The following HGF variants were observed in gnomAD, a reference collection of about 807,000 sequenced individuals.
HGF encodes the protein hepatocyte growth factor.
Under a neutral mutation model 111.6 loss-of-function variants are expected in HGF, and 39 were observed. The ratio of observed to expected loss-of-function variants is 0.35; its 90% confidence interval spans 0.27 to 0.46. HGF has a LOEUF of 0.46. Ranked by LOEUF, HGF falls within the 20% of genes least tolerant of loss-of-function variation. The pLI is 1.00. For missense variants in HGF, 735 were observed against 910.5 expected (o/e 0.81, Z 2.48); for synonymous variants, 285 against 294.8 (o/e 0.97, Z 0.34).
chr7:81,741,147 G>T (rs550346810), intron 7 of HGF, among the ~76,000 whole-genome samples: 75 of 152,124 alleles, frequency 4.9e-4, no homozygotes, highest in African/African-American at 1.6e-3. Context: ...TCTCTTTATA[G>T]TCATATCTAT....
intron 9 of HGF, among the ~76,000 whole-genome samples, chr7:81,722,685 G>A (rs1332211436): frequency 1.3e-5 from 2 of 150,486 alleles, no homozygotes; most frequent in African/African-American, 4.9e-5. Flanking sequence ...GTGGTGGCGT[G>A]TGCCTGTAAT....
chr7:81,762,708 T>C lies in HGF; in HGVS notation c.253A>G (p.Lys85Glu). 1 of 1,606,220 alleles carries C rather than the reference T, an allele frequency of 6.2e-7. No homozygotes were observed. The highest frequency in any genetic ancestry group is 8.5e-7 in the Non-Finnish European group (1 of 1,172,936). Residue 85 changes from lysine to glutamate, a missense_variant and splice_region_variant, in exon 2 of 18, where the codon AAG (lysine) becomes GAG (glutamate). This residue lies in a region of HGF where 553 missense variants were observed against 685.6 expected (regional missense o/e 0.81). Transcript: ENST00000222390. ...TRNKGLPFTC[K>E]AFVFDKARKQ... ...TAAGAAGAAAATGAAGTAACTTACTTGCAAGTGAATGGAAGTCCTTTATTC... is the reference window on the plus strand; with the variant it reads ...TAAGAAGAAAATGAAGTAACTTACTCGCAAGTGAATGGAAGTCCTTTATTC...
At chr7:81,753,082 A>G (rs541699384) in intron 4 of HGF, among the ~76,000 whole-genome samples, 7 of 152,076 alleles carry the variant, frequency 4.6e-5, no homozygotes, top group African/African-American at 7.2e-5. Context: ...TAGTGATCCC[A>G]GTTTTGGTTT....
intron 7 of HGF, chr7:81,736,796 G>T: frequency 2.2e-6 from 1 of 456,744 alleles, no homozygotes. Flanking sequence ...TCACATATAA[G>T]GTTAGAAATA....
rs1789220461 is a variant in HGF, at chr7:81,699,289, A to G, written c.*3292T>C. ...TACTTAAAAGTTACACTGTCAAGAT[A>G]TATATGGTCCAAAAAATTTTAACTT... On this transcript the variant is annotated 3_prime_UTR_variant, in exon 18 of 18. Transcript: ENST00000222390. 6.6e-6 allele frequency: 1 copy of G among 151,556 alleles called. No individual in the cohort carries two copies. The highest frequency in any genetic ancestry group is 2.4e-5 in the African/African-American group (1 of 41,408). The allele number at this position is 151,556 out of a possible 1,614,324, so 9.4% of individuals were successfully genotyped here.
At chr7:81,758,447 A>C (rs1788890679) in intron 3 of HGF, among the ~76,000 whole-genome samples, 1 of 152,016 alleles carries the variant, frequency 6.6e-6, no homozygotes, top group Admixed American at 6.6e-5. Flanking sequence ...AAATAAAAAT[A>C]AAAATAAACA....
At chr7:81,760,044 A>G (rs372079613) in intron 2 of HGF, among the ~76,000 whole-genome samples, 14 of 152,318 alleles carry the variant, frequency 9.2e-5, no homozygotes, top group African/African-American at 3.4e-4. Context: ...TCTCGTTCCA[A>G]TACAATGACA....
chr7:81,716,639 G>C (rs1330346930), intron 11 of HGF, among the ~76,000 whole-genome samples: 1 of 151,852 alleles, frequency 6.6e-6, no homozygotes, highest in Non-Finnish European at 1.5e-5. Flanking sequence ...AATTATACCA[G>C]ACATGTATTT....
At chr7:81,753,070 C>T (rs910417137) in intron 4 of HGF, among the ~76,000 whole-genome samples, 1 of 152,074 alleles carries the variant, frequency 6.6e-6, no homozygotes, top group Admixed American at 6.6e-5. Flanking sequence ...CTGACTGGAG[C>T]TTAGTGATCC....
chr7:81,755,850 ATGT>A, intron 4 of HGF: 3 of 531,516 alleles, frequency 5.6e-6, no homozygotes, highest in South Asian at 5.4e-5. Context: ...TGTTATTGAA[ATGT>A]TGTAGAGATG....
At chr7:81,736,195 GGTCAACC>G (rs990529638) in intron 7 of HGF, among the ~76,000 whole-genome samples, 1 of 151,992 alleles carries the variant, frequency 6.6e-6, no homozygotes. Flanking sequence ...AGTTACCTGT[GGTCAACC>G]GTCATCCAAA....
chr7:81,757,332 C>T (rs1788827754), intron 3 of HGF, 29 bp from the exon 4 acceptor site: 1 of 1,178,184 alleles, frequency 8.5e-7, no homozygotes, highest in Non-Finnish European at 1.3e-6. Context: ...AAAATTATTG[C>T]AACTATGCAA....
chr7:81,743,457 C>G lies in HGF; in HGVS notation c.761G>C (p.Gly254Ala), dbSNP rs560215969. The G allele has an allele frequency of 1.2e-6, 2 of 1,611,400 alleles. No individual in the cohort carries two copies. Among genetic ancestry groups the G allele is most frequent in the Admixed American group, 3.3e-5 (2 of 60,014 alleles). ...KFLPERYPDK[G>A]FDDNYCRNPD... ...ATTGCGGCAATAATTATCATCAAAG[C>G]CCTTGTCGGGATATCTGCAAACCAC... The change falls in exon 7 of 18, where the codon GGC (glycine) becomes GCC (alanine). Residue 254 changes from glycine to alanine, a missense_variant. This residue lies in a region of HGF where 553 missense variants were observed against 685.6 expected (regional missense o/e 0.81). Transcript: ENST00000222390.
chr7:81,757,261 T>C lies in HGF; in HGVS notation c.410A>G (p.Lys137Arg), dbSNP rs2116181546. Residue 137 changes from lysine (K) to arginine (R), a missense_variant, in exon 4 of 18, where the codon AAG becomes AGG. Physicochemically the swap from Lys to Arg is conservative, Grantham distance 26. This residue lies in a region of HGF where 553 missense variants were observed against 685.6 expected (regional missense o/e 0.81). Coordinates refer to ENST00000222390, the MANE Select transcript of HGF (RefSeq NM_000601.6). ...NCIIGKGRSY[K>R]GTVSITKSGI... Reference sequence around the variant, plus strand: ...ACTCTTAGTGATAGATACTGTTCCCTTGTAGCTGCGTCCTTTACCAATGAT... The same window carrying C: ...ACTCTTAGTGATAGATACTGTTCCCCTGTAGCTGCGTCCTTTACCAATGAT... 1 of 1,609,190 alleles carries C rather than the reference T, an allele frequency of 6.2e-7. No homozygotes were observed. The highest frequency in any genetic ancestry group is 8.5e-7 in the Non-Finnish European group (1 of 1,175,446).
At chr7:81,722,872 C>A (rs922292108) in intron 9 of HGF, among the ~76,000 whole-genome samples, 1 of 137,514 alleles carries the variant, frequency 7.3e-6, no homozygotes, top group African/African-American at 3.2e-5. Context: ...TGTTGCATTG[C>A]AAATTTAAAA....
At chr7:81,757,419 A>G (rs549620035) in intron 3 of HGF, 116 bp from the exon 4 acceptor site, 1 of 671,714 alleles carries the variant, frequency 1.5e-6, no homozygotes, top group East Asian at 2.7e-5. Flanking sequence ...TTCAAATAAC[A>G]TTGAAATTTC....
At chr7:81,765,577 T>G (rs945273027) in intron 1 of HGF, among the ~76,000 whole-genome samples, 1 of 152,096 alleles carries the variant, frequency 6.6e-6, no homozygotes, top group African/African-American at 2.4e-5. Context: ...ATAGAAACTT[T>G]CCCTTTTAAT....
intron 5 of HGF, among the ~76,000 whole-genome samples, chr7:81,746,354 G>GTCCA (rs201050193): frequency 0.013 from 1,953 of 152,246 alleles, 50 homozygotes; most frequent in African/African-American, 0.045. Context: ...AATGAGTGGA[G>GTCCA]TCCATGAGCA....
intron 1 of HGF, among the ~76,000 whole-genome samples, chr7:81,763,435 T>G (rs1789201755): frequency 6.6e-6 from 1 of 152,170 alleles, no homozygotes. Flanking sequence ...TCTGTGCTTT[T>G]GGACACTATT....
Sources: gnomAD v4.1 joint callset for allele counts (sites outside exome capture counted in the v4.1 genomes callset) on GRCh38, gnomAD v4.1.1 for gene constraint, gnomAD v4.1.1 regional missense constraint, MANE v1.5 for transcripts, NCBI Gene and HGNC (gene_info 2026-07-23, HGNC 2026-07-21) for gene names.